The following HMOX1 variants were observed in gnomAD, a reference collection of about 807,000 sequenced individuals.
HMOX1 encodes the protein heme oxygenase 1.
Under a neutral mutation model 27.8 loss-of-function variants are expected in HMOX1, and 22 were observed. That is an observed-to-expected ratio of 0.79 (90% CI 0.57 to 1.13). HMOX1 has a LOEUF of 1.13. HMOX1 is among the 50% of genes most tolerant of loss of function. The pLI is 0.00. For synonymous variants in HMOX1, 153 were observed against 151.6 expected, an observed-to-expected ratio of 1.01 and a Z score of -0.07; for missense variants, 379 against 377.7, an observed-to-expected ratio of 1.00 and a Z score of -0.03.
intron 3 of HMOX1, among the ~76,000 whole-genome samples, chr22:35,388,451 C>T: frequency 6.7e-6 from 1 of 150,300 alleles, no homozygotes; most frequent in Non-Finnish European, 1.5e-5. Flanking sequence ...GAGCAAGACT[C>T]TGTCTCAAAA....
At chr22:35,382,937 C>T (rs548868134) in intron 1 of HMOX1, among the ~76,000 whole-genome samples, 169 bp from the exon 2 acceptor site, 8 of 152,316 alleles carry the variant, frequency 5.3e-5, no homozygotes, top group African/African-American at 1.7e-4. Context: ...GGATTACAGG[C>T]GTGAGCCACC....
In HMOX1 at chr22:35,389,207, T is replaced by TTC. The variant is rs1192795922; in HGVS notation, c.637-655_637-654dup. Reference sequence around the variant, plus strand: ...ATATGAATTTTCTTTCTTTCTTTCTTTCTTTCTCTCTTTCTTTCTTTCTTT... The same window carrying TTC: ...ATATGAATTTTCTTTCTTTCTTTCTTTCTCTTTCTCTCTTTCTTTCTTTCTTT... On this transcript the variant is annotated intron_variant, in intron 3 of 4. Coordinates refer to ENST00000216117, the MANE Select transcript of HMOX1 (RefSeq NM_002133.3). 1.7e-4 allele frequency among the ~76,000 whole-genome samples: 22 copies of TTC among 127,958 alleles called. 3 individuals are homozygous for TTC. Among genetic ancestry groups the TTC allele is most frequent in the African/African-American group, 7.6e-4 (21 of 27,608 alleles). The allele number at this position is 127,958 out of a possible 152,430, so 83.9% of individuals were successfully genotyped here.
chr22:35,389,389 T>TTCCC lies in HMOX1; in HGVS notation c.637-472_637-471insCTCC, dbSNP rs1569057598. Among the ~76,000 whole-genome samples, 6 of 75,648 alleles carry TTCCC rather than the reference T, an allele frequency of 7.9e-5. 1 individual carries two copies. In the South Asian group the frequency reaches 2.7e-3, roughly 34 times the overall value. 49.6% of individuals were successfully genotyped at this position (75,648 alleles called of 152,430 possible). A position where few individuals can be genotyped will look rare whatever the true frequency, so the allele number is the denominator to read the frequency against. On this transcript the variant is annotated intron_variant, in intron 3 of 4. Transcript: ENST00000216117. The stretch of plus-strand genomic sequence containing the variant: ...CTTCCTTCCTTCCTTCCTTCCTTCC[T>TTCCC]TCCTTCCTTTCTTTCTTTCTTTCTT...
rs551161442 is a variant in HMOX1, at chr22:35,383,110, C to T, written c.28C>T (p.Pro10Ser). The change falls in exon 2 of 5, where the codon CCC becomes TCC. Residue 10 changes from proline to serine, a missense_variant. By Grantham distance (74) the Pro-to-Ser change is moderately conservative. Coordinates refer to ENST00000216117, the MANE Select transcript of HMOX1 (RefSeq NM_002133.3). MERPQPDSM[P>S]QDLSEALKEA... ...CCTTTCCCATTTCCTCCTCAGCATG[C>T]CCCAGGATTTGTCAGAGGCCCTGAA... is the stretch of plus-strand genomic sequence containing the variant. 2 of 1,613,528 alleles carry T rather than the reference C, an allele frequency of 1.2e-6. No individual in the cohort carries two copies. Among genetic ancestry groups the T allele is most frequent in the Non-Finnish European group, 1.7e-6 (2 of 1,179,608 alleles).
chr22:35,389,189 TTTTC>T lies in HMOX1; in HGVS notation c.637-653_637-650del, dbSNP rs34867836. 2.6e-3 allele frequency among the ~76,000 whole-genome samples: 216 copies of T among 83,494 alleles called. 11 individuals are homozygous for T. Among genetic ancestry groups the T allele is most frequent in the African/African-American group, 6.0e-3 (117 of 19,616 alleles). 54.8% of individuals were successfully genotyped at this position (83,494 alleles called of 152,430 possible). A position where few individuals can be genotyped will look rare whatever the true frequency, so the allele number is the denominator to read the frequency against. The stretch of plus-strand genomic sequence containing the variant: ...TTAAGGTGGATGAAAGGGATATGAA[TTTTC>T]TTTCTTTCTTTCTTTCTTTCTCTCT... On this transcript the variant is annotated intron_variant, in intron 3 of 4. Transcript: ENST00000216117.
intron 3 of HMOX1, among the ~76,000 whole-genome samples, chr22:35,387,765 T>C (rs1302819899): frequency 6.6e-6 from 1 of 152,224 alleles, no homozygotes; most frequent in Non-Finnish European, 1.5e-5. Context: ...TCATAGAGCC[T>C]TCTCTCTCTG....
rs760436375 is a variant in HMOX1 at position 35,393,648 on chromosome 22, CT to C, written c.*52del. ...CCATGAACTTTGTCCGGTGGAAGGCCTTCTTTCTAGAGAGGGAATTCTCTTG... is the reference window on the plus strand; with the variant it reads ...CCATGAACTTTGTCCGGTGGAAGGCCTCTTTCTAGAGAGGGAATTCTCTTG... On this transcript the variant is annotated 3_prime_UTR_variant, in exon 5 of 5. Coordinates refer to ENST00000216117, the MANE Select transcript of HMOX1 (RefSeq NM_002133.3). 2 of 1,611,882 alleles carry C rather than the reference CT, an allele frequency of 1.2e-6. No homozygotes were observed. Among genetic ancestry groups the C allele is most frequent in the Admixed American group, 3.3e-5 (2 of 59,976 alleles).
chr22:35,389,896 T>G lies in HMOX1; in HGVS notation c.669T>G (p.His223Gln). ...AGGAGTTGCAGGAGCTGCTGACCCATGACACCAAGGACCAGAGCCCCTCAC... is the reference window on the plus strand; with the variant it reads ...AGGAGTTGCAGGAGCTGCTGACCCAGGACACCAAGGACCAGAGCCCCTCAC... ...LFEELQELLT[H>Q]DTKDQSPSRA... The change falls in exon 4 of 5, where the codon CAT becomes CAG. Residue 223 changes from histidine (H) to glutamine (Q), a missense_variant. Physicochemically the swap from His to Gln is conservative, Grantham distance 24. Coordinates refer to ENST00000216117, the MANE Select transcript of HMOX1 (RefSeq NM_002133.3). 1 of 1,611,760 alleles carries G rather than the reference T, an allele frequency of 6.2e-7. No individual in the cohort carries two copies. The highest frequency in any genetic ancestry group is 8.5e-7 in the Non-Finnish European group (1 of 1,179,634).
chr22:35,384,427 G>A (rs1931460061), intron 2 of HMOX1, among the ~76,000 whole-genome samples: 1 of 152,038 alleles, frequency 6.6e-6, no homozygotes, highest in South Asian at 2.1e-4. Context: ...GTTCCAGGCT[G>A]GGTGGGGTCC....
rs745888771 is a variant in HMOX1 at position 35,387,193 on chromosome 22, C to T, written c.636+17C>T. 6 of 1,613,122 alleles carry T rather than the reference C, an allele frequency of 3.7e-6. No individual in the cohort carries two copies. Among genetic ancestry groups the T allele is most frequent in the Non-Finnish European group, 5.1e-6 (6 of 1,179,988 alleles). On this transcript the variant is annotated intron_variant, in intron 3 of 4. Transcript: ENST00000216117. ...AACATCCAGGTGAGGGTCGGGCAGC[C>T]TGGGGCAGCCTCTGCCTCCCCCCGT...
intron 4 of HMOX1, among the ~76,000 whole-genome samples, chr22:35,390,994 T>G (rs556357682): frequency 3.4e-4 from 52 of 152,166 alleles, no homozygotes; most frequent in African/African-American, 1.3e-3. Context: ...TTGGGATGGG[T>G]AGCAATAAAG....
intron 2 of HMOX1, among the ~76,000 whole-genome samples, chr22:35,383,513 G>A (rs1195030279): frequency 1.3e-5 from 2 of 152,244 alleles, no homozygotes; most frequent in South Asian, 4.2e-4. Context: ...TTTCTAATCT[G>A]TGCTTCAACC....
chr22:35,391,585 CCTTTTTTT>C (rs1175691033), intron 4 of HMOX1, among the ~76,000 whole-genome samples: 5 of 112,464 alleles, frequency 4.4e-5, no homozygotes, highest in African/African-American at 1.7e-4. Flanking sequence ...CCGCGCCCGG[CCTTTTTTT>C]TTTTTTTTTT....
At chr22:35,389,810 G>A in intron 3 of HMOX1, 54 bp from the exon 4 acceptor site, 1 of 1,213,686 alleles carries the variant, frequency 8.2e-7, no homozygotes, top group African/African-American at 1.5e-5. Flanking sequence ...ACCTTCAGCT[G>A]GGACCTGGTA....
chr22:35,389,266 C>G (rs1569057184), intron 3 of HMOX1, among the ~76,000 whole-genome samples: 1 of 124,340 alleles, frequency 8.0e-6, no homozygotes, highest in Admixed American at 7.5e-5. Flanking sequence ...CTCTCTCTCT[C>G]TCTCTCTCCT....
At chr22:35,383,375 A>G in intron 2 of HMOX1, 149 bp downstream of exon 2, 1 of 932,930 alleles carries the variant, frequency 1.1e-6, no homozygotes, top group Non-Finnish European at 1.6e-6. Context: ...ACTGAGGCTC[A>G]GAGAGGGAAG....
chr22:35,382,555 G>T lies in HMOX1; in HGVS notation c.24-551G>T, dbSNP rs1294182992. 2.0e-5 allele frequency among the ~76,000 whole-genome samples: 3 copies of T among 148,990 alleles called. No homozygotes were observed. In the South Asian group the frequency reaches 6.4e-4, roughly 32 times the overall value. ...TTTTTGTATTTTTAGTAGAGATAGG[G>T]TTTCACCATGTTGGCCAGGCTGGGC... On this transcript the variant is annotated intron_variant, in intron 1 of 4. Coordinates refer to ENST00000216117, the MANE Select transcript of HMOX1 (RefSeq NM_002133.3).
In HMOX1 at chr22:35,391,585, C is replaced by CATTTTTTTTTTTTTTTTTTTT. The variant is rs372077518; in HGVS notation, c.736+1622_736+1623insATTTTTTTTTTTTTTTTTTTT. On this transcript the variant is annotated intron_variant, in intron 4 of 4. Transcript: ENST00000216117. ...TACAGGTGTGAGCCACCGCGCCCGGCCTTTTTTTTTTTTTTTTTTTTTTTT... is the reference window on the plus strand; with the variant it reads ...TACAGGTGTGAGCCACCGCGCCCGGCATTTTTTTTTTTTTTTTTTTTCTTTTTTTTTTTTTTTTTTTTTTTT... Among the ~76,000 whole-genome samples the CATTTTTTTTTTTTTTTTTTTT allele has an allele frequency of 2.7e-5, 3 of 112,464 alleles. 1 individual carries two copies. 73.8% of individuals were successfully genotyped at this position (112,464 alleles called of 152,430 possible).
At position 35,393,884 on chromosome 22, in the gene HMOX1, A is replaced by C; in HGVS notation, c.*286A>C. 10 of 419,122 alleles carry C rather than the reference A, an allele frequency of 2.4e-5. No individual in the cohort carries two copies. Among genetic ancestry groups the C allele is most frequent in the East Asian group, 5.4e-5 (1 of 18,594 alleles). 26.0% of individuals were successfully genotyped at this position (419,122 alleles called of 1,614,324 possible). On this transcript the variant is annotated 3_prime_UTR_variant, in exon 5 of 5. Transcript: ENST00000216117. ...GCAGCAGAGCCTGGAAGACACCCTA[A>C]TGTGGCAGCTGTCTCAAACCTCCAA...
Sources: gnomAD v4.1 joint callset for allele counts (sites outside exome capture counted in the v4.1 genomes callset) on GRCh38, gnomAD v4.1.1 for gene constraint, MANE v1.5 for transcripts, NCBI Gene and HGNC (gene_info 2026-07-23, HGNC 2026-07-21) for gene names.